The following AP2B1 variants were observed in gnomAD, a reference collection of about 807,000 sequenced individuals.
AP2B1 encodes the protein adaptor related protein complex 2 subunit beta 1.
A neutral mutation model predicts 102.0 loss-of-function variants in AP2B1; 23 were observed. The ratio of observed to expected loss-of-function variants is 0.23; its 90% CI spans 0.16 to 0.32. The LOEUF is 0.32. AP2B1 is among the 10% of genes least tolerant of loss of function. The pLI, the probability that AP2B1 is intolerant of heterozygous loss-of-function variation, is 1.00. For synonymous variants in AP2B1, 381 were observed against 421.2 expected, an observed-to-expected ratio of 0.90 and a Z score of 1.17; for missense variants, 541 against 1,157.4, an observed-to-expected ratio of 0.47 and a Z score of 7.73.
chr17:35,677,135 G>T (rs1296845221), intron 17 of AP2B1, among the ~76,000 whole-genome samples: 1 of 152,012 alleles, frequency 6.6e-6, no homozygotes, highest in Non-Finnish European at 1.5e-5. Flanking sequence ...GACTACACCT[G>T]TGTACCACCA....
At chr17:35,629,644 A>G (rs1392525559) in intron 9 of AP2B1, among the ~76,000 whole-genome samples, 1 of 152,210 alleles carries the variant, frequency 6.6e-6, no homozygotes, top group African/African-American at 2.4e-5. Context: ...CCATGCATAC[A>G]GTAAAGTGCA....
At chr17:35,707,137 G>GTTGTTT (rs2076357014) in intron 18 of AP2B1, among the ~76,000 whole-genome samples, 1 of 151,542 alleles carries the variant, frequency 6.6e-6, no homozygotes, top group African/African-American at 2.4e-5. Context: ...TACATCCCTT[G>GTTGTTT]TTGTTGTTGT....
intron 18 of AP2B1, among the ~76,000 whole-genome samples, chr17:35,698,151 C>T (rs760129336): frequency 1.2e-4 from 18 of 152,076 alleles, no homozygotes; most frequent in Non-Finnish European, 2.6e-4. Flanking sequence ...AGAAAGTTTA[C>T]TTTGGTGGGA....
At chr17:35,706,196 T>C (rs1331649616) in intron 18 of AP2B1, among the ~76,000 whole-genome samples, 1 of 152,222 alleles carries the variant, frequency 6.6e-6, no homozygotes, top group African/African-American at 2.4e-5. Context: ...AGTCAGTGGC[T>C]TTCCTCTGTT....
intron 5 of AP2B1, among the ~76,000 whole-genome samples, chr17:35,623,891 C>T (rs1268970885): frequency 1.3e-5 from 2 of 152,166 alleles, no homozygotes; most frequent in East Asian, 3.8e-4. Context: ...ATTCTCTCAG[C>T]ATTGTATACT....
intron 17 of AP2B1, among the ~76,000 whole-genome samples, chr17:35,681,790 T>C (rs587746417): frequency 1.5e-3 from 224 of 152,306 alleles, no homozygotes; most frequent in African/African-American, 5.1e-3. Context: ...ACCTGCCCTC[T>C]AGTGACGTTT....
intron 3 of AP2B1, among the ~76,000 whole-genome samples, chr17:35,599,868 C>A (rs552771869): frequency 6.6e-6 from 1 of 151,818 alleles, no homozygotes; most frequent in Non-Finnish European, 1.5e-5. Flanking sequence ...CAGGATTGTG[C>A]CACTGCACTC....
Position 35,636,343 on chromosome 17 carries a change from A to G in AP2B1, c.1158A>G (p.Gln386=). The G allele has an allele frequency of 6.2e-7, 1 of 1,610,688 alleles. No homozygotes were observed. Among genetic ancestry groups the G allele is most frequent in the Non-Finnish European group, 8.5e-7 (1 of 1,177,580 alleles). The part of the protein sequence containing the change: ...AIGRCAIKVE[Q]SAERCVSTLL... ...ATTTTTTGTATTTTTCTTCCCAGCA[A>G]TCTGCAGAGCGCTGTGTAAGCACAT... Residue 386 remains glutamine (Q), a splice_region_variant and synonymous_variant, in exon 10 of 22, where the codon CAA becomes CAG. Coordinates refer to ENST00000610402, the MANE Select transcript of AP2B1 (RefSeq NM_001030006.2).
chr17:35,720,567 ATATATATTTTTTTTTTT>A (rs2085344539), intron 21 of AP2B1, among the ~76,000 whole-genome samples: 1 of 52,344 alleles, frequency 1.9e-5, no homozygotes. Flanking sequence ...ATATATATAT[ATATATATTTTTTTTTTT>A]TTTTTTTTTT....
At chr17:35,639,080 A>G (rs1245198107) in intron 10 of AP2B1, among the ~76,000 whole-genome samples, 2 of 152,156 alleles carry the variant, frequency 1.3e-5, no homozygotes, top group Admixed American at 1.3e-4. Flanking sequence ...CTGTAATTTC[A>G]TCACTTTGGG....
At chr17:35,660,764 G>A (rs545717478) in intron 14 of AP2B1, among the ~76,000 whole-genome samples, 8 of 152,300 alleles carry the variant, frequency 5.3e-5, no homozygotes, top group African/African-American at 1.4e-4. Context: ...GATTATAGGC[G>A]TGAGCCACCA....
At position 35,598,214 on chromosome 17, in the gene AP2B1, C is replaced by A. The variant is rs1244933007; in HGVS notation, c.38-16C>A. On this transcript the variant is annotated splice_polypyrimidine_tract_variant and intron_variant, in intron 2 of 21. Coordinates refer to ENST00000610402, the MANE Select transcript of AP2B1 (RefSeq NM_001030006.2). ...GTGGTACTGGAACCTTACCAGTTTG[C>A]TCTCATCTCTTGCAGGAGAAATATT... The A allele has an allele frequency of 6.4e-7, 1 of 1,569,684 alleles. No homozygotes were observed. The highest frequency in any genetic ancestry group is 1.1e-5 in the South Asian group (1 of 89,694).
At chr17:35,671,163 A>AATG (rs1490535970) in intron 15 of AP2B1, among the ~76,000 whole-genome samples, 1 of 152,138 alleles carries the variant, frequency 6.6e-6, no homozygotes, top group Non-Finnish European at 1.5e-5. Context: ...AGCTAAAGGA[A>AATG]ATGGACCCTT....
intron 12 of AP2B1, among the ~76,000 whole-genome samples, chr17:35,647,558 T>C (rs533447223): frequency 1.3e-5 from 2 of 152,326 alleles, no homozygotes; most frequent in African/African-American, 4.8e-5. Context: ...ATGCAAGTTA[T>C]AAATGTAAAG....
chr17:35,647,891 G>GTTTT (rs36102165), intron 12 of AP2B1, among the ~76,000 whole-genome samples: 3 of 143,146 alleles, frequency 2.1e-5, no homozygotes, highest in Non-Finnish European at 1.5e-5. Context: ...TTGGGGGTTT[G>GTTTT]TTTTTTTTTT....
At chr17:35,703,189 T>G (rs933283434) in intron 18 of AP2B1, among the ~76,000 whole-genome samples, 1 of 132,986 alleles carries the variant, frequency 7.5e-6, no homozygotes, top group Non-Finnish European at 1.5e-5. Context: ...GGCGTGAACC[T>G]GGGAGGCGGA....
At chr17:35,703,026 A>G (rs1268082021) in intron 18 of AP2B1, among the ~76,000 whole-genome samples, 2 of 151,640 alleles carry the variant, frequency 1.3e-5, no homozygotes, top group African/African-American at 4.9e-5. Flanking sequence ...TAATCCCAGC[A>G]CTTTGGGAGG....
chr17:35,664,484 TG>T, intron 14 of AP2B1, among the ~76,000 whole-genome samples: 1 of 152,206 alleles, frequency 6.6e-6, no homozygotes, highest in Admixed American at 6.5e-5. Context: ...ATGCAGATAT[TG>T]TGCTCTAAGT....
At chr17:35,714,368 T>G (rs1568046559) in intron 20 of AP2B1, among the ~76,000 whole-genome samples, 1 of 152,210 alleles carries the variant, frequency 6.6e-6, no homozygotes, top group Non-Finnish European at 1.5e-5. Context: ...GGGCCCCAGA[T>G]GTAAATTCCC....
Sources: gnomAD v4.1 joint callset for allele counts (sites outside exome capture counted in the v4.1 genomes callset) on GRCh38, gnomAD v4.1.1 for gene constraint, MANE v1.5 for transcripts, NCBI Gene and HGNC (gene_info 2026-07-23, HGNC 2026-07-21) for gene names.